LINGO1: variants seen among roughly 807,000 people sequenced by gnomAD.
LINGO1 encodes the protein leucine-rich repeat and immunoglobulin-like domain-containing nogo receptor-interacting protein 1.
LINGO1 carries 11 observed loss-of-function variants against 37.3 expected under a neutral mutation model. The observed-to-expected ratio is 0.29, with a 90% CI of 0.19 to 0.49. The LOEUF is 0.49. Ranked by LOEUF, LINGO1 falls within the 20% of genes least tolerant of loss-of-function variation. The pLI is 0.99. For missense variants in LINGO1, 585 were observed against 878.2 expected, an observed-to-expected ratio of 0.67 and a Z score of 4.22; for synonymous variants, 387 against 403.0, an observed-to-expected ratio of 0.96 and a Z score of 0.48.
intron 1 of LINGO1, among the ~76,000 whole-genome samples, chr15:77,798,708 G>A (rs2076893159): frequency 6.6e-6 from 1 of 152,230 alleles, no homozygotes; most frequent in Non-Finnish European, 1.5e-5. Flanking sequence ...GGTGGAGGGG[G>A]CTGCAGCCAA....
intron 1 of LINGO1, among the ~76,000 whole-genome samples, chr15:77,807,121 C>T (rs1225797014): frequency 6.6e-6 from 1 of 152,206 alleles, no homozygotes; most frequent in African/African-American, 2.4e-5. Flanking sequence ...CAGTTCATCC[C>T]ATCTCCTACC....
chr15:77,658,484 T>G (rs950515110), intron 3 of LINGO1, among the ~76,000 whole-genome samples: 1 of 152,232 alleles, frequency 6.6e-6, no homozygotes, highest in African/African-American at 2.4e-5. Flanking sequence ...AGTGCTGAAC[T>G]GGCAGATGCA....
At chr15:77,616,206 G>A (rs1050951516) in intron 1 of LINGO1, among the ~76,000 whole-genome samples, 17 of 152,166 alleles carry the variant, frequency 1.1e-4, no homozygotes, top group African/African-American at 3.9e-4. Context: ...ACATTTCACA[G>A]GCGGTTGACT....
intron 2 of LINGO1, among the ~76,000 whole-genome samples, chr15:77,719,697 C>T (rs1308352240): frequency 6.7e-6 from 1 of 150,010 alleles, no homozygotes; most frequent in African/African-American, 2.4e-5. Flanking sequence ...CACACACATG[C>T]TCTCATACAT....
At chr15:77,763,701 T>G (rs1004673475) in intron 1 of LINGO1, among the ~76,000 whole-genome samples, 2 of 152,136 alleles carry the variant, frequency 1.3e-5, no homozygotes, top group African/African-American at 2.4e-5. Flanking sequence ...CAGGGCTGCA[T>G]CTGCATCATG....
At chr15:77,652,483 A>AGTGAGTGT (rs2074779965) in intron 3 of LINGO1, among the ~76,000 whole-genome samples, 2 of 128,878 alleles carry the variant, frequency 1.6e-5, no homozygotes, top group Admixed American at 1.5e-4. Context: ...GGGGAGGGAG[A>AGTGAGTGT]GTGTGTGTGT....
At chr15:77,731,606 G>A (rs1474659066) in intron 2 of LINGO1, among the ~76,000 whole-genome samples, 1 of 152,176 alleles carries the variant, frequency 6.6e-6, no homozygotes, top group East Asian at 1.9e-4. Context: ...TGAAGAGCCT[G>A]TGCCAGTTCC....
chr15:77,703,432 G>C (rs2075809967), intron 2 of LINGO1, among the ~76,000 whole-genome samples: 1 of 152,138 alleles, frequency 6.6e-6, no homozygotes, highest in African/African-American at 2.4e-5. Flanking sequence ...GGCAGTGGGA[G>C]GTAGGGTTCT....
intron 1 of LINGO1, among the ~76,000 whole-genome samples, chr15:77,631,440 G>A (rs1005057107): frequency 2.8e-4 from 43 of 152,156 alleles, no homozygotes; most frequent in Non-Finnish European, 2.4e-4. Flanking sequence ...GCTGGGCTGC[G>A]ACCCCAGCAG....
chr15:77,760,127 G>A (rs750393271), intron 1 of LINGO1, among the ~76,000 whole-genome samples: 1 of 152,214 alleles, frequency 6.6e-6, no homozygotes, highest in Admixed American at 6.5e-5. Context: ...TGCAGCAGCC[G>A]TGTTTCTGGT....
At chr15:77,791,850 C>T (rs1307411571), upstream of LINGO1, among the ~76,000 whole-genome samples, 2 of 152,102 alleles carry the variant, frequency 1.3e-5, no homozygotes, top group African/African-American at 4.8e-5. Flanking sequence ...GCTGGGAGGG[C>T]GAGCTGGTAG....
At chr15:77,692,291 G>A (rs1354653171) in intron 1 of LINGO1, among the ~76,000 whole-genome samples, 1 of 152,236 alleles carries the variant, frequency 6.6e-6, no homozygotes, top group Non-Finnish European at 1.5e-5. Flanking sequence ...GGCACAGAGA[G>A]GTTAAGTAAC....
chr15:77,684,964 C>T (rs1044028420), intron 2 of LINGO1, among the ~76,000 whole-genome samples: 1 of 151,690 alleles, frequency 6.6e-6, no homozygotes, highest in African/African-American at 2.4e-5. Flanking sequence ...GGTGAGTGCG[C>T]ACAGGGTCTC....
intron 3 of LINGO1, among the ~76,000 whole-genome samples, chr15:77,641,188 G>C (rs1469050144): frequency 6.6e-6 from 1 of 152,232 alleles, no homozygotes. Context: ...GCTCAGCTGA[G>C]AGTGGGGTGC....
intron 1 of LINGO1, among the ~76,000 whole-genome samples, chr15:77,770,399 C>T (rs1159833469): frequency 6.6e-6 from 1 of 151,980 alleles, no homozygotes; most frequent in Admixed American, 6.6e-5. Flanking sequence ...ACCAGCCTGA[C>T]CAACATGGAG....
At chr15:77,690,168 T>G (rs1008818488) in intron 2 of LINGO1, among the ~76,000 whole-genome samples, 1 of 152,166 alleles carries the variant, frequency 6.6e-6, no homozygotes, top group African/African-American at 2.4e-5. Flanking sequence ...CGCTCACCCC[T>G]CATTCCTGGT....
intron 2 of LINGO1, among the ~76,000 whole-genome samples, chr15:77,731,990 C>T (rs1207003905): frequency 2.6e-5 from 4 of 152,216 alleles, no homozygotes; most frequent in African/African-American, 9.7e-5. Flanking sequence ...CTCTGCTGCC[C>T]ACCCCAGCAG....
intron 1 of LINGO1, among the ~76,000 whole-genome samples, chr15:77,627,541 C>T (rs1355841873): frequency 6.6e-6 from 1 of 152,188 alleles, no homozygotes; most frequent in Non-Finnish European, 1.5e-5. Context: ...ACATTTGTTC[C>T]ATCCGGGGTT....
Position 77,613,850 on chromosome 15 carries a change from C to A in LINGO1, c.*194G>T. The A allele has an allele frequency of 1.7e-6, 1 of 605,978 alleles. No homozygotes were observed. Among genetic ancestry groups the A allele is most frequent in the South Asian group, 2.1e-5 (1 of 48,342 alleles). 37.5% of individuals were successfully genotyped at this position (605,978 alleles called of 1,614,324 possible). On this transcript the variant is annotated 3_prime_UTR_variant, in exon 2 of 2. Coordinates refer to ENST00000355300, the MANE Select transcript of LINGO1 (RefSeq NM_032808.7). ...TGTAGGTGGGGTCCCCAGGTCTGGG[C>A]TTCTGAGGTCCTGGTAGAAGGAGGG...
Sources: allele counts gnomAD v4.1 joint callset (sites outside exome capture counted in the v4.1 genomes callset), GRCh38; gene constraint gnomAD v4.1.1; transcripts MANE v1.5; gene names NCBI Gene and HGNC (gene_info 2026-07-23, HGNC 2026-07-21).